The following PID1 variants were observed in gnomAD, a reference collection of about 807,000 sequenced individuals.
The protein encoded by PID1 is PTB-containing, cubilin and LRP1-interacting protein.
Under a neutral mutation model 19.1 loss-of-function variants are expected in PID1, and 10 were observed. The observed-to-expected ratio is 0.52, with a 90% CI of 0.32 to 0.89. The LOEUF (loss-of-function observed/expected upper bound fraction) is 0.89, where lower values mean the gene tolerates loss of function less well. Ranked by LOEUF, PID1 falls within the 40% of genes least tolerant of loss-of-function variation. The pLI, the probability that PID1 is intolerant of heterozygous loss-of-function variation, is 0.03. For synonymous variants in PID1, 130 were observed against 116.0 expected, an observed-to-expected ratio of 1.12 and a Z score of -0.78; for missense variants, 248 against 285.3, an observed-to-expected ratio of 0.87 and a Z score of 0.94.
intron 1 of PID1, among the ~76,000 whole-genome samples, chr2:229,196,829 G>C (rs1455427821): frequency 6.6e-6 from 1 of 152,026 alleles, no homozygotes; most frequent in Non-Finnish European, 1.5e-5. Flanking sequence ...GGATTAGAAA[G>C]AACGTATGTT....
chr2:229,187,721 T>G (rs1210111869), intron 1 of PID1, among the ~76,000 whole-genome samples: 2 of 152,184 alleles, frequency 1.3e-5, no homozygotes, highest in African/African-American at 2.4e-5. Flanking sequence ...TAAAACAAGC[T>G]ATAATTTCCC....
chr2:229,025,070 G>A lies in PID1; in HGVS notation c.*562C>T, dbSNP rs1485449181. ...CATTATCTGTAACTGTGAATTAACT[G>A]CCAACTATCAGGTTGTTAGTTGTAA... On this transcript the variant is annotated 3_prime_UTR_variant, in exon 3 of 3. Transcript: ENST00000392055. The A allele has an allele frequency of 6.5e-6, 1 of 154,412 alleles. No individual in the cohort carries two copies. The highest frequency in any genetic ancestry group is 2.4e-5 in the African/African-American group (1 of 41,452). The allele number at this position is 154,412 out of a possible 1,614,324, so 9.6% of individuals were successfully genotyped here.
At chr2:229,077,868 G>T (rs1476721886) in intron 2 of PID1, among the ~76,000 whole-genome samples, 2 of 152,156 alleles carry the variant, frequency 1.3e-5, no homozygotes, top group African/African-American at 4.8e-5. Flanking sequence ...GGCTATAAAG[G>T]CTCTTTTTTG....
intron 2 of PID1, among the ~76,000 whole-genome samples, chr2:229,029,447 CA>C (rs1423353373): frequency 6.6e-6 from 1 of 151,538 alleles, no homozygotes; most frequent in Non-Finnish European, 1.5e-5. Context: ...CAAGTGTTGG[CA>C]AGGATGAAGA....
At chr2:229,203,640 T>C (rs191942452) in intron 1 of PID1, among the ~76,000 whole-genome samples, 10 of 152,240 alleles carry the variant, frequency 6.6e-5, no homozygotes, top group Admixed American at 2.0e-4. Context: ...TCAAGTGTTC[T>C]TACCTTGAAA....
chr2:229,266,386 G>T (rs1310455596), intron 1 of PID1, among the ~76,000 whole-genome samples: 1 of 144,164 alleles, frequency 6.9e-6, no homozygotes, highest in Non-Finnish European at 1.5e-5. Context: ...CTCTTCAATG[G>T]CACTTGTGAA....
intron 1 of PID1, among the ~76,000 whole-genome samples, chr2:229,239,455 C>G (rs926148072): frequency 7.9e-5 from 12 of 152,088 alleles, no homozygotes. Context: ...AGCCGAACCC[C>G]CCGTGTCAAT....
chr2:229,109,382 G>C (rs1392973773), intron 2 of PID1, among the ~76,000 whole-genome samples: 1 of 152,154 alleles, frequency 6.6e-6, no homozygotes, highest in Non-Finnish European at 1.5e-5. Context: ...GCAATTAGGG[G>C]AGCAGAAAAA....
intron 1 of PID1, among the ~76,000 whole-genome samples, chr2:229,232,431 CAAA>C (rs386392861): frequency 4.8e-5 from 2 of 41,354 alleles, no homozygotes; most frequent in African/African-American, 1.1e-4. Flanking sequence ...GACTCCATCT[CAAA>C]AAAAAAAAAA....
intron 2 of PID1, among the ~76,000 whole-genome samples, chr2:229,122,350 G>A (rs186070361): frequency 1.2e-4 from 19 of 152,238 alleles, no homozygotes; most frequent in Admixed American, 5.2e-4. Flanking sequence ...ATATCCCCGT[G>A]GGGCTCTGGT....
intron 2 of PID1, among the ~76,000 whole-genome samples, chr2:229,026,466 C>T (rs188453065): frequency 7.8e-4 from 118 of 152,242 alleles, no homozygotes; most frequent in Admixed American, 1.4e-3. Context: ...AGTTTATTTT[C>T]GGCCAAACAC....
intron 1 of PID1, among the ~76,000 whole-genome samples, chr2:229,194,010 G>T (rs528543447): frequency 6.6e-6 from 1 of 152,218 alleles, no homozygotes; most frequent in South Asian, 2.1e-4. Context: ...ATTACCCCAT[G>T]TATAACAAGA....
At chr2:229,200,059 G>C (rs958870474) in intron 1 of PID1, among the ~76,000 whole-genome samples, 7 of 151,726 alleles carry the variant, frequency 4.6e-5, no homozygotes, top group Admixed American at 1.3e-4. Context: ...CACAGGTTCC[G>C]GCACTAAGAG....
At chr2:229,037,875 A>C (rs536213805) in intron 2 of PID1, among the ~76,000 whole-genome samples, 2 of 152,326 alleles carry the variant, frequency 1.3e-5, no homozygotes, top group East Asian at 3.9e-4. Flanking sequence ...TAAATGATAA[A>C]TCAGTATCAA....
intron 2 of PID1, among the ~76,000 whole-genome samples, chr2:229,138,509 GC>G (rs1689902286): frequency 6.6e-6 from 1 of 152,032 alleles, no homozygotes; most frequent in Admixed American, 6.6e-5. Context: ...ATACCCAGTG[GC>G]CCAAGGTCTA....
chr2:229,162,444 T>C (rs1690509877), intron 1 of PID1, among the ~76,000 whole-genome samples: 1 of 152,206 alleles, frequency 6.6e-6, no homozygotes, highest in Admixed American at 6.5e-5. Flanking sequence ...ACACTACCCA[T>C]ATTTAGAGGG....
intron 1 of PID1, among the ~76,000 whole-genome samples, chr2:229,248,079 A>G (rs779177492): frequency 1.3e-5 from 2 of 152,106 alleles, no homozygotes; most frequent in Non-Finnish European, 2.9e-5. Context: ...ATCCCTAAAT[A>G]TATCAGTATA....
At chr2:229,030,097 C>T (rs1332407774) in intron 2 of PID1, among the ~76,000 whole-genome samples, 1 of 152,146 alleles carries the variant, frequency 6.6e-6, no homozygotes, top group Non-Finnish European at 1.5e-5. Context: ...CAAATTCTGA[C>T]AGATACTACA....
At chr2:229,029,714 C>T (rs1693505269) in intron 2 of PID1, among the ~76,000 whole-genome samples, 1 of 151,832 alleles carries the variant, frequency 6.6e-6, no homozygotes, top group Non-Finnish European at 1.5e-5. Context: ...ATGGTGTGCA[C>T]CTGTAATCCC....
Sources: allele counts gnomAD v4.1 joint callset (sites outside exome capture counted in the v4.1 genomes callset), GRCh38; gene constraint gnomAD v4.1.1; transcripts MANE v1.5; gene names NCBI Gene and HGNC (gene_info 2026-07-23, HGNC 2026-07-21).